Variants in STK24 observed in about 807,000 individuals in gnomAD.
STK24 encodes the protein serine/threonine-protein kinase 24.
A neutral mutation model predicts 55.6 loss-of-function variants in STK24; 21 were observed. That is an observed-to-expected ratio of 0.38 (90% CI 0.27 to 0.54). The LOEUF (loss-of-function observed/expected upper bound fraction) is 0.54, where lower values mean the gene tolerates loss of function less well. Ranked by LOEUF, STK24 falls within the 20% of genes least tolerant of loss-of-function variation. The probability of loss-of-function intolerance (pLI) is 0.79; values close to 1 mark genes in which losing one functional copy is unlikely to be tolerated. For synonymous variants in STK24, 200 were observed against 215.2 expected, an observed-to-expected ratio of 0.93 and a Z score of 0.62; for missense variants, 383 against 538.4, an observed-to-expected ratio of 0.71 and a Z score of 2.86.
chr13:98,456,727 A>C, intron 10 of STK24: 2 of 362,052 alleles, frequency 5.5e-6, no homozygotes, highest in South Asian at 4.1e-5. Flanking sequence ...ACACACAGCT[A>C]ACACAGGGAA....
intron 1 of STK24, among the ~76,000 whole-genome samples, chr13:98,545,832 A>G (rs964674848): frequency 3.0e-4 from 46 of 152,188 alleles, no homozygotes; most frequent in African/African-American, 1.0e-3. Flanking sequence ...AAACACTGTA[A>G]TTACTGCATG....
chr13:98,551,723 G>A (rs1897164615), intron 1 of STK24, among the ~76,000 whole-genome samples: 2 of 152,120 alleles, frequency 1.3e-5, no homozygotes, highest in African/African-American at 4.8e-5. Context: ...GTTACTATTA[G>A]CCTGGACTCC....
At chr13:98,500,967 A>G (rs1374204108) in intron 2 of STK24, among the ~76,000 whole-genome samples, 1 of 152,100 alleles carries the variant, frequency 6.6e-6, no homozygotes, top group Non-Finnish European at 1.5e-5. Context: ...TGAGTAAAAC[A>G]TGCGCGTCCA....
At chr13:98,553,939 G>A (rs1897219728) in intron 1 of STK24, among the ~76,000 whole-genome samples, 1 of 151,992 alleles carries the variant, frequency 6.6e-6, no homozygotes, top group Non-Finnish European at 1.5e-5. Context: ...GCAGGTGCCT[G>A]TTATCTCAGC....
intron 1 of STK24, among the ~76,000 whole-genome samples, chr13:98,531,006 A>AT (rs1306547388): frequency 2.6e-5 from 4 of 152,300 alleles, no homozygotes; most frequent in South Asian, 2.1e-4. Context: ...CCAATCTCCT[A>AT]TTTTTTAATA....
In STK24 at chr13:98,561,856, A is replaced by C. The variant is rs570172688; in HGVS notation, c.42+14889T>G. Among the ~76,000 whole-genome samples the C allele has an allele frequency of 2.6e-5, 4 of 151,914 alleles. No homozygotes were observed. The South Asian group carries it at 8.3e-4, about 32-fold the overall frequency. ...GCTAGGTGTGGTGGCACGTGCCTGT[A>C]ATCCCAGCTGCTCCAGAGGCTGAGG... On this transcript the variant is annotated intron_variant, in intron 1 of 10. Coordinates refer to ENST00000539966, the MANE Select transcript of STK24 (RefSeq NM_001032296.4).
At chr13:98,555,181 A>G (rs747964833) in intron 1 of STK24, among the ~76,000 whole-genome samples, 2 of 152,212 alleles carry the variant, frequency 1.3e-5, no homozygotes, top group Non-Finnish European at 1.5e-5. Context: ...CTCTTTACAG[A>G]GTGAACGCTG....
chr13:98,530,567 C>G (rs1426237283), intron 1 of STK24, among the ~76,000 whole-genome samples: 1 of 152,178 alleles, frequency 6.6e-6, no homozygotes, highest in Non-Finnish European at 1.5e-5. Flanking sequence ...GGCCATCCGA[C>G]TCCAAACACT....
At position 98,447,849 on chromosome 13, in the gene STK24, AAAAAAG is replaced by A. The variant is rs1334631538; in HGVS notation, c.*5318_*5323del. ...GACAGAGCCAGACCCTGTCTCAAAA[AAAAAAG>A]AAAAAGAAAAAAGGAAGGGAGAGCT... is the stretch of plus-strand genomic sequence containing the variant. On this transcript the variant is annotated 3_prime_UTR_variant, in exon 11 of 11. Transcript: ENST00000539966. 4.3e-5 allele frequency: 9 copies of A among 209,030 alleles called. No homozygotes were observed. The highest frequency in any genetic ancestry group is 2.8e-4 in the Admixed American group (5 of 18,130). 12.9% of individuals were successfully genotyped at this position (209,030 alleles called of 1,614,324 possible). A position where few individuals can be genotyped will look rare whatever the true frequency, so the allele number is the denominator to read the frequency against.
At chr13:98,502,220 G>C (rs868749471) in intron 2 of STK24, among the ~76,000 whole-genome samples, 1 of 152,164 alleles carries the variant, frequency 6.6e-6, no homozygotes, top group South Asian at 2.1e-4. Flanking sequence ...CACCAAAGAA[G>C]TTCTGGGTGC....
At chr13:98,547,915 C>T (rs534421516) in intron 1 of STK24, among the ~76,000 whole-genome samples, 1 of 152,212 alleles carries the variant, frequency 6.6e-6, no homozygotes, top group African/African-American at 2.4e-5. Flanking sequence ...CCACACAGAG[C>T]AAACTACTGC....
At chr13:98,463,146 C>G (rs778963813) in intron 7 of STK24, among the ~76,000 whole-genome samples, 6 of 152,152 alleles carry the variant, frequency 3.9e-5, no homozygotes, top group Non-Finnish European at 7.3e-5. Flanking sequence ...GTCCCACGCT[C>G]GGACTTCCAG....
intron 6 of STK24, among the ~76,000 whole-genome samples, chr13:98,464,426 A>G (rs964923124): frequency 1.3e-5 from 2 of 151,900 alleles, no homozygotes; most frequent in African/African-American, 4.8e-5. Context: ...CTCAAAAAAA[A>G]GCTTATCTCC....
chr13:98,539,284 A>G (rs1459173956), intron 1 of STK24, among the ~76,000 whole-genome samples: 1 of 152,190 alleles, frequency 6.6e-6, no homozygotes, highest in Non-Finnish European at 1.5e-5. Flanking sequence ...TGCCATATTT[A>G]TATAACAATA....
In STK24 at chr13:98,446,819, T is replaced by TAGAC; in HGVS notation, c.*6350_*6353dup. ...GGAAAGCGAGTACACGTTCGAAAGG[T>TAGAC]AGACACCCCCTTCCCACGCACAGGG... On this transcript the variant is annotated 3_prime_UTR_variant, in exon 11 of 11. Transcript: ENST00000539966. 6.2e-7 allele frequency: 1 copy of TAGAC among 1,613,842 alleles called. No individual in the cohort carries two copies. Among genetic ancestry groups the TAGAC allele is most frequent in the Non-Finnish European group, 8.5e-7 (1 of 1,179,942 alleles).
At chr13:98,552,198 C>T (rs1897175079) in intron 1 of STK24, among the ~76,000 whole-genome samples, 1 of 152,108 alleles carries the variant, frequency 6.6e-6, no homozygotes, top group African/African-American at 2.4e-5. Context: ...TTTATAATAG[C>T]TTGATTTTTA....
At chr13:98,500,099 C>G (rs1339552741) in intron 2 of STK24, among the ~76,000 whole-genome samples, 1 of 152,228 alleles carries the variant, frequency 6.6e-6, no homozygotes, top group Non-Finnish European at 1.5e-5. Flanking sequence ...CTGCATCACT[C>G]AGAGAGCTAT....
intron 2 of STK24, among the ~76,000 whole-genome samples, chr13:98,504,282 G>A (rs1380819298): frequency 1.3e-5 from 2 of 152,116 alleles, no homozygotes; most frequent in African/African-American, 4.8e-5. Flanking sequence ...AGAGAACAGA[G>A]CAGGAGAAAG....
At chr13:98,576,681 T>G in intron 1 of STK24, 64 bp downstream of exon 1, 2 of 1,367,110 alleles carry the variant, frequency 1.5e-6, no homozygotes, top group Admixed American at 2.5e-5. Flanking sequence ...GCCGTGTGGA[T>G]ACCGCCAAGT....
Sources: allele counts gnomAD v4.1 joint callset (sites outside exome capture counted in the v4.1 genomes callset), GRCh38; gene constraint gnomAD v4.1.1; transcripts MANE v1.5; gene names NCBI Gene and HGNC (gene_info 2026-07-23, HGNC 2026-07-21).